PRKN: variants seen among roughly 807,000 people sequenced by gnomAD.
PRKN encodes E3 ubiquitin-protein ligase parkin.
PRKN carries 56 observed loss-of-function variants against 59.5 expected under a neutral mutation model. The observed-to-expected ratio is 0.94, with a 90% CI of 0.76 to 1.18. The LOEUF is 1.18. Among genes scored for constraint, PRKN ranks in the 50% most tolerant of loss-of-function variants. The pLI is 0.00. For synonymous variants in PRKN, 250 were observed against 222.1 expected, an observed-to-expected ratio of 1.13 and a Z score of -1.12; for missense variants, 657 against 596.4, an observed-to-expected ratio of 1.10 and a Z score of -1.06.
chr6:161,598,433 C>T (rs1016601401), intron 7 of PRKN, among the ~76,000 whole-genome samples: 3 of 152,096 alleles, frequency 2.0e-5, no homozygotes, highest in Admixed American at 6.5e-5. Context: ...GAGAGATCAC[C>T]GTGAGTTATC....
intron 6 of PRKN, among the ~76,000 whole-genome samples, chr6:161,789,346 C>T (rs761678350): frequency 6.6e-6 from 1 of 152,154 alleles, no homozygotes; most frequent in Non-Finnish European, 1.5e-5. Context: ...ATTTCATCCT[C>T]GTAAAATAAA....
At position 161,887,828 on chromosome 6, in the gene PRKN, G is replaced by T. The variant is rs564240013; in HGVS notation, c.734+85474C>A. 4.3e-4 allele frequency among the ~76,000 whole-genome samples: 66 copies of T among 152,224 alleles called. 1 individual carries two copies. The South Asian group carries it at 0.013, about 30-fold the overall frequency. On this transcript the variant is annotated intron_variant, in intron 6 of 11. Coordinates refer to ENST00000366898, the MANE Select transcript of PRKN (RefSeq NM_004562.3). ...TATTTTGTCCCATTAAGGTCGATGC[G>T]ATTTTTACCAGATATAGAAATATCT...
chr6:162,645,253 T>C (rs1437232791), intron 1 of PRKN, among the ~76,000 whole-genome samples: 1 of 151,930 alleles, frequency 6.6e-6, no homozygotes, highest in Non-Finnish European at 1.5e-5. Flanking sequence ...ACATAAAATA[T>C]CAAAAAAAAG....
chr6:162,194,968 G>A (rs1482202133), intron 4 of PRKN, among the ~76,000 whole-genome samples: 1 of 151,518 alleles, frequency 6.6e-6, no homozygotes, highest in Non-Finnish European at 1.5e-5. Flanking sequence ...GAGAAATCTC[G>A]TGGCAGAACA....
Position 162,296,343 on chromosome 6 carries a change from T to C in PRKN, c.172-33578A>G, listed in dbSNP as rs145091648. On this transcript the variant is annotated intron_variant, in intron 2 of 11. Transcript: ENST00000366898. ...CTCCAGGAAGGGTATGAGCACAGCC[T>C]CTACTGCAGGAGAGGATGGAGACAA... Among the ~76,000 whole-genome samples the C allele has an allele frequency of 9.2e-3, 1,395 of 151,786 alleles. 22 individuals are homozygous for C. Among genetic ancestry groups the C allele is most frequent in the African/African-American group, 0.026 (1,095 of 41,376 alleles).
rs991031253 is a variant in PRKN at position 161,581,363 on chromosome 6, T to C, written c.872-11947A>G. Reference sequence around the variant, plus strand: ...TAAGTTCACAAAGTGTTTGTCTCCATTGTATTTGCTGTTTTTGTGTTTGGT... The same window carrying C: ...TAAGTTCACAAAGTGTTTGTCTCCACTGTATTTGCTGTTTTTGTGTTTGGT... On this transcript the variant is annotated intron_variant, in intron 7 of 11. Transcript: ENST00000366898. The surrounding 1 kb of genome is among the most constrained non-coding windows in gnomAD (Gnocchi z 4.5). 1.3e-5 allele frequency among the ~76,000 whole-genome samples: 2 copies of C among 152,220 alleles called. No individual in the cohort carries two copies. The highest frequency in any genetic ancestry group is 4.8e-5 in the African/African-American group (2 of 41,466).
At chr6:162,515,377 C>T (rs1039581813) in intron 1 of PRKN, among the ~76,000 whole-genome samples, 1 of 152,146 alleles carries the variant, frequency 6.6e-6, no homozygotes, top group Non-Finnish European at 1.5e-5. Flanking sequence ...GCCACCGCAC[C>T]TGGTGACAAC....
At chr6:161,639,855 G>A (rs978370862) in intron 7 of PRKN, among the ~76,000 whole-genome samples, 1 of 152,170 alleles carries the variant, frequency 6.6e-6, no homozygotes, top group African/African-American at 2.4e-5. Flanking sequence ...TGCACAAGGC[G>A]CAATGCCTAC....
intron 9 of PRKN, among the ~76,000 whole-genome samples, chr6:161,532,139 G>GCA (rs1321168405): frequency 1.2e-5 from 1 of 85,170 alleles, no homozygotes; most frequent in African/African-American, 4.8e-5. Context: ...TCTCTGTCTT[G>GCA]CACTCTCTCT....
intron 4 of PRKN, among the ~76,000 whole-genome samples, chr6:162,133,561 G>A (rs565087674): frequency 4.6e-5 from 7 of 152,208 alleles, no homozygotes; most frequent in Admixed American, 3.3e-4. Flanking sequence ...GAAAGGGAGA[G>A]AAATAGGGCT....
chr6:161,543,406 G>C (rs1779686198), intron 9 of PRKN, among the ~76,000 whole-genome samples: 2 of 152,154 alleles, frequency 1.3e-5, no homozygotes, highest in African/African-American at 4.8e-5. Context: ...CCCTTTTTAA[G>C]AAAACCAATG....
At chr6:161,879,068 T>C (rs1794835084) in intron 6 of PRKN, among the ~76,000 whole-genome samples, 1 of 152,160 alleles carries the variant, frequency 6.6e-6, no homozygotes, top group Non-Finnish European at 1.5e-5. Flanking sequence ...GCTCCAAACC[T>C]TATATCATTA....
In PRKN at chr6:161,689,714, A is replaced by T. The variant is rs1359745553; in HGVS notation, c.871+96058T>A. On this transcript the variant is annotated intron_variant, in intron 7 of 11. Transcript: ENST00000366898. ...ATGTGAAAGTCATTCTATAAAGAAAAATTTTTTTTTTTGAGACAAGAGTTT... is the reference window on the plus strand; with the variant it reads ...ATGTGAAAGTCATTCTATAAAGAAATATTTTTTTTTTTGAGACAAGAGTTT... 3.3e-5 allele frequency among the ~76,000 whole-genome samples: 5 copies of T among 151,942 alleles called. 1 individual carries two copies. The highest frequency in any genetic ancestry group is 5.9e-5 in the Non-Finnish European group (4 of 67,996).
intron 6 of PRKN, among the ~76,000 whole-genome samples, chr6:161,957,436 GT>G: frequency 1.7e-5 from 2 of 116,718 alleles, no homozygotes; most frequent in South Asian, 6.5e-4. Flanking sequence ...TTGTTTGTTT[GT>G]TTTTTTGAGC....
chr6:162,335,391 T>C (rs932087952), intron 2 of PRKN, among the ~76,000 whole-genome samples: 10 of 152,090 alleles, frequency 6.6e-5, no homozygotes, highest in African/African-American at 2.4e-4. Context: ...ATAGACTACA[T>C]TACAGTGTAA....
intron 7 of PRKN, among the ~76,000 whole-genome samples, chr6:161,742,276 G>T (rs1005258135): frequency 1.3e-5 from 2 of 152,186 alleles, no homozygotes; most frequent in Middle Eastern, 3.4e-3. Context: ...AGCCCTGATG[G>T]TTTTGGGAGT....
At chr6:162,032,033 G>A (rs1783663011) in intron 5 of PRKN, among the ~76,000 whole-genome samples, 3 of 152,120 alleles carry the variant, frequency 2.0e-5, no homozygotes, top group Non-Finnish European at 4.4e-5. Flanking sequence ...TTGTACTCAT[G>A]GATAAAACAT....
At chr6:162,070,792 A>G (rs1778541811) in intron 4 of PRKN, among the ~76,000 whole-genome samples, 1 of 152,110 alleles carries the variant, frequency 6.6e-6, no homozygotes, top group Non-Finnish European at 1.5e-5. Context: ...GCTGCCACTG[A>G]TTTGACAGGA....
chr6:161,929,483 T>C (rs1321871885), intron 6 of PRKN, among the ~76,000 whole-genome samples: 1 of 151,418 alleles, frequency 6.6e-6, no homozygotes, highest in Non-Finnish European at 1.5e-5. Context: ...GGATTGTTAA[T>C]TCTAAAATGT....
Sources: gnomAD v4.1 joint callset for allele counts (sites outside exome capture counted in the v4.1 genomes callset) on GRCh38, gnomAD v4.1.1 for gene constraint, Gnocchi (gnomAD v3.1) non-coding constraint, MANE v1.5 for transcripts, NCBI Gene and HGNC (gene_info 2026-07-23, HGNC 2026-07-21) for gene names.